Variants in PRTG observed in about 807,000 individuals in gnomAD.
PRTG encodes the protein protogenin.
Under a neutral mutation model 122.5 loss-of-function variants are expected in PRTG, and 67 were observed. That is an observed-to-expected ratio of 0.55 (90% CI 0.45 to 0.67). PRTG has a LOEUF of 0.67. PRTG is among the 30% of genes least tolerant of loss of function. The probability of loss-of-function intolerance (pLI) is 0.00; values close to 1 mark genes in which losing one functional copy is unlikely to be tolerated. For missense variants in PRTG, 1,435 were observed against 1,415.4 expected (o/e 1.01, Z -0.22); for synonymous variants, 554 against 501.1 (o/e 1.11, Z -1.41).
Position 55,641,189 on chromosome 15 carries a change from A to G in PRTG, c.2061T>C (p.His687=), listed in dbSNP as rs1490452765. 5.0e-6 allele frequency: 8 copies of G among 1,613,270 alleles called. No homozygotes were observed. The highest frequency in any genetic ancestry group is 1.1e-5 in the South Asian group (1 of 91,068). The part of the protein sequence containing the change: ...LSGLDPRRKY[H]VRLLAYNNID... ...TGTTGTTGTAAGCCAGGAGTCTCAC[A>G]TGATATTTTCTTCTGGGGTCTATAA... Residue 687 remains histidine, a synonymous_variant, in exon 12 of 20, where the codon CAT becomes CAC. Coordinates refer to ENST00000389286, the MANE Select transcript of PRTG (RefSeq NM_173814.6).
intron 16 of PRTG, 64 bp from the exon 17 acceptor site, chr15:55,627,192 T>C (rs532349860): frequency 1.3e-4 from 168 of 1,314,012 alleles, no homozygotes; most frequent in Non-Finnish European, 1.1e-5. Context: ...TTTATAATTC[T>C]CAGGTACTTG....
chr15:55,741,674 G>GA (rs2031613778), intron 1 of PRTG, among the ~76,000 whole-genome samples: 3 of 152,206 alleles, frequency 2.0e-5, no homozygotes, highest in African/African-American at 7.2e-5. Flanking sequence ...CCTTCCTCCT[G>GA]ATCGTTGTGG....
At chr15:55,665,758 C>A (rs1419194034) in intron 11 of PRTG, among the ~76,000 whole-genome samples, 1 of 151,988 alleles carries the variant, frequency 6.6e-6, no homozygotes, top group Non-Finnish European at 1.5e-5. Flanking sequence ...GTTGGCCAGG[C>A]TAGCCAGGCT....
At chr15:55,684,722 G>A (rs762928702) in intron 2 of PRTG, among the ~76,000 whole-genome samples, 2 of 151,978 alleles carry the variant, frequency 1.3e-5, no homozygotes, top group Non-Finnish European at 2.9e-5. Flanking sequence ...GGAGAGTCTA[G>A]CGATATCTTA....
intron 8 of PRTG, 37 bp downstream of exon 8, chr15:55,677,759 AG>A (rs774203693): frequency 2.5e-6 from 4 of 1,596,086 alleles, no homozygotes; most frequent in Non-Finnish European, 3.4e-6. Flanking sequence ...CTTGATAGCA[AG>A]GAGTACTTAA....
intron 11 of PRTG, chr15:55,655,564 T>C (rs968581269): frequency 1.3e-5 from 2 of 152,202 alleles, no homozygotes; most frequent in African/African-American, 4.8e-5. Context: ...TGCACTCAGT[T>C]ACAGAAACAG....
rs530802194 is a variant in PRTG at position 55,622,694 on chromosome 15, C to T, written c.3093+1648G>A. On this transcript the variant is annotated intron_variant, in intron 18 of 19. Coordinates refer to ENST00000389286, the MANE Select transcript of PRTG (RefSeq NM_173814.6). ...GCGTGAGCCACCGCGCCCGGCCACA[C>T]CTGGCTAATTTTTGTATTTTTAGTA... is the stretch of plus-strand genomic sequence containing the variant. Among the ~76,000 whole-genome samples, 44 of 151,466 alleles carry T rather than the reference C, an allele frequency of 2.9e-4. 2 individuals carry two copies. In the South Asian group the frequency reaches 9.2e-3, roughly 32 times the overall value.
chr15:55,731,366 C>CTTTTT (rs10658460), intron 2 of PRTG, among the ~76,000 whole-genome samples: 23 of 103,726 alleles, frequency 2.2e-4, no homozygotes, highest in Admixed American at 4.4e-4. Context: ...CCTTATCATT[C>CTTTTT]TTTTTTTTTT....
intron 17 of PRTG, 66 bp from the exon 18 acceptor site, chr15:55,624,573 G>A (rs1180830842): frequency 1.1e-5 from 15 of 1,376,590 alleles, no homozygotes; most frequent in African/African-American, 4.3e-5. Flanking sequence ...TGAACCACCT[G>A]GCCTATCAAC....
At chr15:55,645,337 G>A (rs1286464267) in intron 11 of PRTG, among the ~76,000 whole-genome samples, 2 of 146,132 alleles carry the variant, frequency 1.4e-5, no homozygotes, top group African/African-American at 2.5e-5. Flanking sequence ...GGGAGGCTGA[G>A]GCAGGAGAAT....
chr15:55,669,384 G>C (rs1485460160), intron 11 of PRTG, among the ~76,000 whole-genome samples: 1 of 152,152 alleles, frequency 6.6e-6, no homozygotes, highest in Non-Finnish European at 1.5e-5. Flanking sequence ...GACACAGATA[G>C]GATTCCCTTA....
chr15:55,638,532 G>C lies in PRTG; in HGVS notation c.2452+17C>G, dbSNP rs1189144923. The C allele has an allele frequency of 6.3e-7, 1 of 1,578,434 alleles. No individual in the cohort carries two copies. The highest frequency in any genetic ancestry group is 8.6e-7 in the Non-Finnish European group (1 of 1,162,796). ...TTTTTTTTAAAGATAAAATCTATAGGGAGCTGTTTTCTTTACCTTCTGGAA... is the reference window on the plus strand; with the variant it reads ...TTTTTTTTAAAGATAAAATCTATAGCGAGCTGTTTTCTTTACCTTCTGGAA... On this transcript the variant is annotated intron_variant, in intron 14 of 19. Transcript: ENST00000389286.
intron 2 of PRTG, among the ~76,000 whole-genome samples, chr15:55,725,513 T>C (rs2030995238): frequency 6.6e-6 from 1 of 151,852 alleles, no homozygotes; most frequent in African/African-American, 2.4e-5. Flanking sequence ...GAGGATCACC[T>C]GAGCCTGGGG....
chr15:55,649,864 T>C (rs1190351902), intron 11 of PRTG, among the ~76,000 whole-genome samples: 1 of 152,104 alleles, frequency 6.6e-6, no homozygotes, highest in Non-Finnish European at 1.5e-5. Context: ...CATCCTATGA[T>C]TCCTAATCCC....
chr15:55,682,966 T>A (rs1408300741), intron 3 of PRTG, among the ~76,000 whole-genome samples: 3 of 152,240 alleles, frequency 2.0e-5, no homozygotes, highest in African/African-American at 7.2e-5. Flanking sequence ...ATTAGCTTGA[T>A]TCTATTGTTT....
rs569567086 is a variant in PRTG, at chr15:55,668,036, C to T, written c.2041+4409G>A. ...GCCTGGGAGACAGGTTGCAGTGAGC[C>T]GAGATGGCACCACTGCACTCCAGGC... On this transcript the variant is annotated intron_variant, in intron 11 of 19. Coordinates refer to ENST00000389286, the MANE Select transcript of PRTG (RefSeq NM_173814.6). 1.1e-4 allele frequency among the ~76,000 whole-genome samples: 16 copies of T among 152,232 alleles called. No individual in the cohort carries two copies. In the South Asian group the frequency reaches 3.3e-3, roughly 32 times the overall value.
At chr15:55,660,016 G>A (rs557026509) in intron 11 of PRTG, among the ~76,000 whole-genome samples, 1 of 152,098 alleles carries the variant, frequency 6.6e-6, no homozygotes, top group South Asian at 2.1e-4. Flanking sequence ...CTATCCATAA[G>A]TAATTTTTTC....
intron 2 of PRTG, among the ~76,000 whole-genome samples, chr15:55,708,191 G>A (rs1443655805): frequency 1.4e-5 from 2 of 138,092 alleles, no homozygotes; most frequent in African/African-American, 5.5e-5. Context: ...AGGCAGAAGA[G>A]TTAGTGAGAA....
intron 11 of PRTG, among the ~76,000 whole-genome samples, chr15:55,642,694 A>G (rs962338411): frequency 6.6e-6 from 1 of 152,142 alleles, no homozygotes; most frequent in African/African-American, 2.4e-5. Context: ...TCAACACTTC[A>G]TAAGGGAAAA....
Sources: allele counts gnomAD v4.1 joint callset (sites outside exome capture counted in the v4.1 genomes callset), GRCh38; gene constraint gnomAD v4.1.1; transcripts MANE v1.5; gene names NCBI Gene and HGNC (gene_info 2026-07-23, HGNC 2026-07-21).